The following UGT2A1 variants were observed in gnomAD, a reference collection of about 807,000 sequenced individuals.
The protein encoded by UGT2A1 is UDP glucuronosyltransferase family 2 member A1 complex locus.
Under a neutral mutation model 45.4 loss-of-function variants are expected in UGT2A1, and 61 were observed. The observed-to-expected ratio is 1.34, with a 90% CI of 1.09 to 1.66. UGT2A1 has a LOEUF of 1.66. Ranked by LOEUF, UGT2A1 falls within the 40% of genes most tolerant of loss-of-function variation. The pLI is 0.00. For missense variants in UGT2A1, 649 were observed against 574.3 expected (o/e 1.13, Z -1.33); for synonymous variants, 229 against 196.2 (o/e 1.17, Z -1.40).
chr4:69,599,561 G>A (rs1432132646), intron 3 of UGT2A1, 167 bp from the exon 4 acceptor site: 1 of 1,022,298 alleles, frequency 9.8e-7, no homozygotes, highest in African/African-American at 1.7e-5. Context: ...AATTAAAGAG[G>A]ATGGAAGAAA....
chr4:69,614,137 A>G (rs1720233580), intron 3 of UGT2A1, among the ~76,000 whole-genome samples: 1 of 130,498 alleles, frequency 7.7e-6, no homozygotes, highest in African/African-American at 3.1e-5. Context: ...GTTCCAGGAC[A>G]CAAAATCAAC....
At chr4:69,607,038 T>C in intron 3 of UGT2A1, among the ~76,000 whole-genome samples, 1 of 133,726 alleles carries the variant, frequency 7.5e-6, no homozygotes, top group Non-Finnish European at 1.6e-5. Context: ...AAACTACCAA[T>C]GACTTTCTTC....
intron 3 of UGT2A1, chr4:69,599,609 A>C: frequency 1.8e-6 from 1 of 571,218 alleles, no homozygotes; most frequent in Non-Finnish European, 2.6e-6. Context: ...GGAAGGGAGG[A>C]AGGGAGGAAG....
intron 3 of UGT2A1, among the ~76,000 whole-genome samples, chr4:69,622,448 G>T (rs991348149): frequency 1.3e-5 from 2 of 151,634 alleles, no homozygotes; most frequent in African/African-American, 2.4e-5. Flanking sequence ...AAGTAAAAGA[G>T]AACTGTATTT....
At chr4:69,647,983 G>A (rs1722358172) in intron 1 of UGT2A1, among the ~76,000 whole-genome samples, 1 of 151,666 alleles carries the variant, frequency 6.6e-6, no homozygotes, top group South Asian at 2.1e-4. Flanking sequence ...ATTGGATAAA[G>A]CTTCTGTACA....
At chr4:69,602,390 A>C (rs533976551) in intron 3 of UGT2A1, among the ~76,000 whole-genome samples, 2 of 137,604 alleles carry the variant, frequency 1.5e-5, no homozygotes, top group South Asian at 4.8e-4. Flanking sequence ...TACTAATGAC[A>C]ACTTTAATTC....
Position 69,595,830 on chromosome 4 carries a change from TAAAACCTAGAC to T in UGT2A1, c.997-592_997-582del, listed in dbSNP as rs1718889191. ...CAACTACACTTTGATAGAGTTGTAATAAAACCTAGACATTCGAATTATATTTTTAGCATAAT... is the reference window on the plus strand; with the variant it reads ...CAACTACACTTTGATAGAGTTGTAATATTCGAATTATATTTTTAGCATAAT... On this transcript the variant is annotated intron_variant, in intron 4 of 6. Coordinates refer to ENST00000286604, the MANE Select transcript of UGT2A1 (RefSeq NM_001252275.3). Among the ~76,000 whole-genome samples, 6 of 152,202 alleles carry T rather than the reference TAAAACCTAGAC, an allele frequency of 3.9e-5. No homozygotes were observed. In the South Asian group the frequency reaches 1.2e-3, roughly 32 times the overall value.
intron 3 of UGT2A1, among the ~76,000 whole-genome samples, chr4:69,609,755 G>T (rs1445898082): frequency 6.6e-6 from 1 of 152,060 alleles, no homozygotes; most frequent in Non-Finnish European, 1.5e-5. Context: ...AAATACAATT[G>T]TTCTTCTGGA....
intron 3 of UGT2A1, among the ~76,000 whole-genome samples, chr4:69,619,909 C>T (rs6824830): frequency 0.79 from 119,544 of 151,914 alleles, 47,161 homozygotes; most frequent in South Asian, 0.85. Context: ...CACAAGATTA[C>T]CTCAATAGGC....
At chr4:69,589,889 G>T (rs1202872624) in intron 6 of UGT2A1, among the ~76,000 whole-genome samples, 2 of 152,164 alleles carry the variant, frequency 1.3e-5, no homozygotes, top group African/African-American at 4.8e-5. Context: ...AGTAGAGTAA[G>T]CCAGTTGTAA....
At chr4:69,591,284 A>G (rs1481436180) in intron 6 of UGT2A1, among the ~76,000 whole-genome samples, 3 of 152,206 alleles carry the variant, frequency 2.0e-5, no homozygotes, top group Non-Finnish European at 4.4e-5. Context: ...TTAGGAAGGC[A>G]TAAGACATTA....
At position 69,589,461 on chromosome 4, in the gene UGT2A1, C is replaced by T. The variant is rs758436834; in HGVS notation, c.1495G>A (p.Val499Met). The change falls in exon 7 of 7, where the codon GTG (valine) becomes ATG (methionine). Residue 499 changes from valine (V) to methionine (M), a missense_variant. Coordinates refer to ENST00000286604, the MANE Select transcript of UGT2A1 (RefSeq NM_001252275.3). Reference protein sequence around the residue: ...LDVIGFLLVCVTTAIFLVIQC... With the variant: ...LDVIGFLLVCMTTAIFLVIQC... ...ATGACCAAAAATATAGCCGTTGTCA[C>T]ACAGACCAGCAAGAACCCAATTACA... The T allele has an allele frequency of 6.2e-7, 1 of 1,614,058 alleles. No homozygotes were observed.
At chr4:69,597,246 G>T (rs921012906) in intron 4 of UGT2A1, among the ~76,000 whole-genome samples, 1 of 152,146 alleles carries the variant, frequency 6.6e-6, no homozygotes, top group African/African-American at 2.4e-5. Flanking sequence ...ATAACAAAGT[G>T]CATCTCCAAC....
chr4:69,611,515 T>C (rs1720047761), intron 3 of UGT2A1, among the ~76,000 whole-genome samples: 1 of 152,046 alleles, frequency 6.6e-6, no homozygotes, highest in African/African-American at 2.4e-5. Context: ...ATACTTTAAA[T>C]GAAGAGTAAT....
chr4:69,651,385 ATATACTATG>A (rs1358032429), intron 1 of UGT2A1, among the ~76,000 whole-genome samples: 1 of 152,214 alleles, frequency 6.6e-6, no homozygotes, highest in Non-Finnish European at 1.5e-5. Context: ...ATATACCTAT[ATATACTATG>A]TGCACATAAA....
chr4:69,624,634 T>C (rs1445663089), intron 3 of UGT2A1, among the ~76,000 whole-genome samples: 1 of 151,366 alleles, frequency 6.6e-6, no homozygotes, highest in Non-Finnish European at 1.5e-5. Context: ...TTGCTCTACC[T>C]TTGTTGTGGT....
chr4:69,599,565 G>A, intron 3 of UGT2A1, 171 bp from the exon 4 acceptor site: 10 of 956,252 alleles, frequency 1.0e-5, no homozygotes, highest in Non-Finnish European at 1.4e-5. Flanking sequence ...AAAGAGGATG[G>A]AAGAAAGGAA....
intron 3 of UGT2A1, among the ~76,000 whole-genome samples, chr4:69,607,218 G>GCATGGT (rs1553904403): frequency 7.3e-5 from 11 of 150,074 alleles, no homozygotes; most frequent in Non-Finnish European, 1.2e-4. Context: ...TACCAAAACA[G>GCATGGT]AGATAAAGAC....
At chr4:69,603,808 A>G (rs1441979480) in intron 3 of UGT2A1, among the ~76,000 whole-genome samples, 2 of 137,148 alleles carry the variant, frequency 1.5e-5, no homozygotes, top group Non-Finnish European at 3.1e-5. Context: ...ACTGGAAGAA[A>G]GGGTATCAGT....
Sources: allele counts gnomAD v4.1 joint callset (sites outside exome capture counted in the v4.1 genomes callset), GRCh38; gene constraint gnomAD v4.1.1; transcripts MANE v1.5; gene names NCBI Gene and HGNC (gene_info 2026-07-23, HGNC 2026-07-21).